CLIP1: variants seen among roughly 807,000 people sequenced by gnomAD.
The protein encoded by CLIP1 is CAP-Gly domain containing linker protein 1.
In CLIP1, 66 loss-of-function variants were observed where a neutral mutation model predicts 161.6. The ratio of observed to expected loss-of-function variants is 0.41; its 90% CI spans 0.33 to 0.50. The LOEUF (loss-of-function observed/expected upper bound fraction) is 0.50, where lower values mean the gene tolerates loss of function less well. CLIP1 is among the 20% of genes least tolerant of loss of function. The probability of loss-of-function intolerance (pLI) is 0.27; values close to 1 mark genes in which losing one functional copy is unlikely to be tolerated. For missense variants in CLIP1, 1,376 were observed against 1,702.0 expected (o/e 0.81, Z 3.37); for synonymous variants, 598 against 626.2 (o/e 0.96, Z 0.67).
chr12:122,370,654 C>T (rs2136692819), intron 3 of CLIP1, among the ~76,000 whole-genome samples: 1 of 152,214 alleles, frequency 6.6e-6, no homozygotes, highest in Middle Eastern at 3.4e-3. Context: ...CTCCCTAGAA[C>T]TAACAGGTAA....
chr12:122,317,416 C>G (rs1951312586), intron 18 of CLIP1, among the ~76,000 whole-genome samples: 1 of 152,060 alleles, frequency 6.6e-6, no homozygotes, highest in South Asian at 2.1e-4. Flanking sequence ...AAAGCCATGT[C>G]GTGGGACTGA....
chr12:122,398,795 G>A (rs1275336771), intron 1 of CLIP1, among the ~76,000 whole-genome samples: 2 of 151,852 alleles, frequency 1.3e-5, no homozygotes, highest in Non-Finnish European at 2.9e-5. Flanking sequence ...GATCGCTTGA[G>A]CCCAGGAGAT....
At chr12:122,422,000 G>A (rs928708292) in intron 1 of CLIP1, among the ~76,000 whole-genome samples, 2 of 152,196 alleles carry the variant, frequency 1.3e-5, no homozygotes, top group African/African-American at 4.8e-5. Flanking sequence ...CAAAAGCCGG[G>A]GCAGCGGGGG....
At chr12:122,330,855 C>T (rs776844232) in intron 15 of CLIP1, among the ~76,000 whole-genome samples, 3 of 151,862 alleles carry the variant, frequency 2.0e-5, no homozygotes, top group Non-Finnish European at 4.4e-5. Flanking sequence ...CCTGCCTCAG[C>T]CTCCCAAAGT....
intron 9 of CLIP1, among the ~76,000 whole-genome samples, chr12:122,349,525 G>A (rs1198354533): frequency 6.6e-6 from 1 of 152,136 alleles, no homozygotes; most frequent in African/African-American, 2.4e-5. Flanking sequence ...GAACTGGCTG[G>A]TCTCAAACTC....
intron 17 of CLIP1, among the ~76,000 whole-genome samples, chr12:122,321,774 C>T (rs540954352): frequency 6.6e-6 from 1 of 152,346 alleles, no homozygotes; most frequent in East Asian, 1.9e-4. Context: ...CCACCTCAGC[C>T]TCCCAAAGTG....
At chr12:122,317,797 AACAG>A (rs1432824138) in intron 18 of CLIP1, among the ~76,000 whole-genome samples, 6 of 152,202 alleles carry the variant, frequency 3.9e-5, no homozygotes, top group African/African-American at 1.4e-4. Context: ...ATTCCAGATT[AACAG>A]AACAAGAAAA....
intron 5 of CLIP1, among the ~76,000 whole-genome samples, chr12:122,359,315 C>G (rs961144355): frequency 6.6e-6 from 1 of 152,124 alleles, no homozygotes; most frequent in Non-Finnish European, 1.5e-5. Context: ...CTAAGAGGTA[C>G]AAGAACTGGT....
At chr12:122,300,312 G>A (rs1478883548) in intron 20 of CLIP1, among the ~76,000 whole-genome samples, 2 of 152,046 alleles carry the variant, frequency 1.3e-5, no homozygotes, top group East Asian at 1.9e-4. Context: ...TGAATGACAT[G>A]CCAGACATCT....
chr12:122,361,223 C>T (rs367944048), intron 4 of CLIP1, 42 bp from the exon 5 acceptor site: 1 of 1,488,866 alleles, frequency 6.7e-7, no homozygotes, highest in Admixed American at 1.9e-5. Flanking sequence ...ACAACTTAAT[C>T]ACAAGAAATA....
chr12:122,372,877 G>T (rs534068011), intron 3 of CLIP1, among the ~76,000 whole-genome samples: 1 of 152,206 alleles, frequency 6.6e-6, no homozygotes, highest in South Asian at 2.1e-4. Flanking sequence ...AAGAGCCCAA[G>T]AATTCCCCAA....
In CLIP1 at chr12:122,377,484, G is replaced by A; in HGVS notation, c.562C>T (p.Leu188Phe). ...ATAGATTCACTGGCAGTTTTTGTAA[G>A]GTTGCTGATCGGAGGCGTAGCTGAA... ...EPSATPPISNLTKTASESISN... is the reference protein window; with the variant it reads ...EPSATPPISNFTKTASESISN... The change falls in exon 3 of 26, where the codon CTT becomes TTT. Residue 188 changes from leucine (L) to phenylalanine (F), a missense_variant. Leu to Phe is a conservative substitution (Grantham distance 22). Coordinates refer to ENST00000620786, the MANE Select transcript of CLIP1 (RefSeq NM_001247997.2). The A allele has an allele frequency of 2.5e-6, 4 of 1,614,120 alleles. No individual in the cohort carries two copies. The highest frequency in any genetic ancestry group is 3.4e-6 in the Non-Finnish European group (4 of 1,180,028).
chr12:122,365,607 C>CTAT (rs1954105793), intron 3 of CLIP1: 7 of 1,134,040 alleles, frequency 6.2e-6, no homozygotes, highest in Non-Finnish European at 9.4e-6. Flanking sequence ...CTGCTGGAAC[C>CTAT]TATTCCCTAT....
In CLIP1 at chr12:122,338,102, G is replaced by A. The variant is rs562925553; in HGVS notation, c.2452-1354C>T. On this transcript the variant is annotated intron_variant, in intron 11 of 25. Coordinates refer to ENST00000620786, the MANE Select transcript of CLIP1 (RefSeq NM_001247997.2). ...TGTTATCCCAGCACATTGGGAGGCCGAGGTCAGCAGATCTCAGCTGAGGTC... is the reference window on the plus strand; with the variant it reads ...TGTTATCCCAGCACATTGGGAGGCCAAGGTCAGCAGATCTCAGCTGAGGTC... 1.5e-4 allele frequency among the ~76,000 whole-genome samples: 23 copies of A among 151,976 alleles called. No individual in the cohort carries two copies. The East Asian group carries it at 3.5e-3, about 23-fold the overall frequency.
rs1216249785 is a variant in CLIP1, at chr12:122,319,340, T to C, written c.3258A>G (p.Gln1086=). 6 of 1,612,776 alleles carry C rather than the reference T, an allele frequency of 3.7e-6. No homozygotes were observed. The highest frequency in any genetic ancestry group is 1.3e-5 in the African/African-American group (1 of 74,920). The change falls in exon 18 of 26, where the codon CAA becomes CAG. Residue 1086 remains glutamine, a synonymous_variant. Coordinates refer to ENST00000620786, the MANE Select transcript of CLIP1 (RefSeq NM_001247997.2). ...RKQADKAKAA[Q]TAEDAMQIME... ...TTATCTGCATGGCATCTTCCGCTGTTTGAGCAGCCTAAATACAAGGAAACA... is the reference window on the plus strand; with the variant it reads ...TTATCTGCATGGCATCTTCCGCTGTCTGAGCAGCCTAAATACAAGGAAACA...
intron 3 of CLIP1, among the ~76,000 whole-genome samples, chr12:122,366,320 A>AG (rs1954168466): frequency 6.7e-6 from 1 of 149,536 alleles, no homozygotes; most frequent in Non-Finnish European, 1.5e-5. Flanking sequence ...AAAAAAAAAA[A>AG]GTACTTCAAA....
At chr12:122,361,202 A>G (rs764077899) in intron 4 of CLIP1, 21 bp from the exon 5 acceptor site, 10 of 1,558,400 alleles carry the variant, frequency 6.4e-6, no homozygotes, top group Non-Finnish European at 8.8e-6. Flanking sequence ...CAATAAGAAC[A>G]ATAACAAAAA....
chr12:122,296,266 G>A (rs1319925046), intron 20 of CLIP1, among the ~76,000 whole-genome samples: 4 of 151,990 alleles, frequency 2.6e-5, no homozygotes, highest in Admixed American at 6.6e-5. Flanking sequence ...TTGATTGTGG[G>A]GTCAGTTTTA....
At chr12:122,375,403 C>T (rs1048414805) in intron 3 of CLIP1, among the ~76,000 whole-genome samples, 2 of 151,876 alleles carry the variant, frequency 1.3e-5, no homozygotes, top group Non-Finnish European at 2.9e-5. Context: ...TGCAACCTCC[C>T]CATCCTGGGT....
Sources: allele counts gnomAD v4.1 joint callset (sites outside exome capture counted in the v4.1 genomes callset), GRCh38; gene constraint gnomAD v4.1.1; transcripts MANE v1.5; gene names NCBI Gene and HGNC (gene_info 2026-07-23, HGNC 2026-07-21).